The following SPATA17 variants were observed in gnomAD, a reference collection of about 807,000 sequenced individuals.
SPATA17 encodes spermatogenesis-associated protein 17.
SPATA17 carries 53 observed loss-of-function variants against 62.2 expected under a neutral mutation model. That is an observed-to-expected ratio of 0.85 (90% confidence interval 0.68 to 1.07). The LOEUF is 1.07. Ranked by LOEUF, SPATA17 falls within the 50% of genes least tolerant of loss-of-function variation. The pLI is 0.00. For missense variants in SPATA17, 466 were observed against 425.5 expected (o/e 1.10, Z -0.84); for synonymous variants, 146 against 146.8 (o/e 0.99, Z 0.04).
chr1:217,774,271 A>G, intron 6 of SPATA17, 63 bp from the exon 7 acceptor site: 1 of 1,418,910 alleles, frequency 7.0e-7, no homozygotes, highest in Non-Finnish European at 9.8e-7. Context: ...TCATGGTACA[A>G]CTCTTTCCTT....
intron 3 of SPATA17, among the ~76,000 whole-genome samples, chr1:217,668,408 T>A (rs1299186137): frequency 6.6e-6 from 1 of 152,186 alleles, no homozygotes; most frequent in East Asian, 1.9e-4. Context: ...CTTCACTATA[T>A]CAAGGGATTT....
intron 10 of SPATA17, among the ~76,000 whole-genome samples, chr1:217,863,826 A>T (rs1675946069): frequency 6.6e-6 from 1 of 152,190 alleles, no homozygotes; most frequent in South Asian, 2.1e-4. Context: ...GACAGCAAAG[A>T]TCACTGCAGT....
Position 217,792,229 on chromosome 1 carries a change from A to C in SPATA17, c.873-9489A>C, listed in dbSNP as rs2102982575. Among the ~76,000 whole-genome samples the C allele has an allele frequency of 1.3e-5, 2 of 152,330 alleles. 1 individual carries two copies. Among genetic ancestry groups the C allele is most frequent in the South Asian group, 4.1e-4 (2 of 4,830 alleles). ...GATATGGTCTGGATGGTGTGGTCAG[A>C]GGCACAGATGCATTTAGGATCACTG... On this transcript the variant is annotated intron_variant, in intron 8 of 10. Coordinates refer to ENST00000366933, the MANE Select transcript of SPATA17 (RefSeq NM_138796.4).
chr1:217,774,596 T>C (rs1673543839), intron 7 of SPATA17, 59 bp downstream of exon 7: 1 of 1,420,472 alleles, frequency 7.0e-7, no homozygotes, highest in African/African-American at 1.4e-5. Flanking sequence ...TTTTTTGCAC[T>C]TTTTATATAA....
chr1:217,781,479 A>G lies in SPATA17; in HGVS notation c.724-695A>G, dbSNP rs534455964. Among the ~76,000 whole-genome samples, 3 of 152,306 alleles carry G rather than the reference A, an allele frequency of 2.0e-5. No individual in the cohort carries two copies. In the South Asian group the frequency reaches 6.2e-4, roughly 32 times the overall value. On this transcript the variant is annotated intron_variant, in intron 7 of 10. Transcript: ENST00000366933. ...AGACAACCAGTGGATTTTAGTAACTAGTATAAATAACAACTAACTTGAAAG... is the reference window on the plus strand; with the variant it reads ...AGACAACCAGTGGATTTTAGTAACTGGTATAAATAACAACTAACTTGAAAG...
chr1:217,750,821 C>T lies in SPATA17; in HGVS notation c.519+8723C>T, dbSNP rs1672886734. 2.0e-5 allele frequency among the ~76,000 whole-genome samples: 3 copies of T among 152,326 alleles called. No homozygotes were observed. The South Asian group carries it at 6.2e-4, about 32-fold the overall frequency. ...TCTTTAGGATGATCTTTCCAGCCTT[C>T]TCTCTTAACCGATTAAAGAAATTAA... On this transcript the variant is annotated intron_variant, in intron 6 of 10. Transcript: ENST00000366933.
chr1:217,670,870 G>C (rs529354863), intron 4 of SPATA17, among the ~76,000 whole-genome samples: 2 of 150,128 alleles, frequency 1.3e-5, no homozygotes, highest in East Asian at 4.0e-4. Flanking sequence ...AGAATCCCTT[G>C]AGCCCAGAAG....
At chr1:217,770,967 T>C (rs1184522887) in intron 6 of SPATA17, among the ~76,000 whole-genome samples, 3 of 138,382 alleles carry the variant, frequency 2.2e-5, no homozygotes, top group Non-Finnish European at 4.6e-5. Context: ...ATCTATTATA[T>C]AACTCATTGC....
chr1:217,713,096 C>T (rs1045200632), intron 5 of SPATA17, among the ~76,000 whole-genome samples: 1 of 152,146 alleles, frequency 6.6e-6, no homozygotes, highest in Non-Finnish European at 1.5e-5. Context: ...CACGGTGATA[C>T]AATCTGCAGA....
chr1:217,661,585 G>C (rs1389553126), intron 3 of SPATA17, among the ~76,000 whole-genome samples: 1 of 152,014 alleles, frequency 6.6e-6, no homozygotes, highest in African/African-American at 2.4e-5. Flanking sequence ...TTTGCTTCCT[G>C]TATGACTGTT....
intron 9 of SPATA17, among the ~76,000 whole-genome samples, chr1:217,828,294 T>A (rs1675048557): frequency 6.6e-6 from 1 of 151,826 alleles, no homozygotes. Context: ...GTCAACTAAT[T>A]TTTGACAAGG....
intron 7 of SPATA17, 196 bp from the exon 8 acceptor site, chr1:217,781,978 A>G (rs886165662): frequency 6.6e-6 from 3 of 454,678 alleles, no homozygotes; most frequent in African/African-American, 4.1e-5. Flanking sequence ...AATGTAATCA[A>G]TTTTACTTGA....
chr1:217,812,503 A>T lies in SPATA17; in HGVS notation c.1005+10653A>T, dbSNP rs568737323. Among the ~76,000 whole-genome samples the T allele has an allele frequency of 5.3e-4, 81 of 152,214 alleles. No individual in the cohort carries two copies. The South Asian group carries it at 0.017, about 32-fold the overall frequency. On this transcript the variant is annotated intron_variant, in intron 9 of 10. Transcript: ENST00000366933. ...AATGTGCATACCATATAATTTACTC[A>T]TTTTTTTAATCTATTTGCAAACTGC...
intron 6 of SPATA17, among the ~76,000 whole-genome samples, chr1:217,759,384 G>A (rs574457762): frequency 1.3e-5 from 2 of 152,074 alleles, no homozygotes; most frequent in Admixed American, 6.5e-5. Flanking sequence ...ATTTGAACCC[G>A]GGAGGCGGAG....
At chr1:217,823,974 T>A (rs891113085) in intron 9 of SPATA17, among the ~76,000 whole-genome samples, 1 of 152,006 alleles carries the variant, frequency 6.6e-6, no homozygotes, top group Non-Finnish European at 1.5e-5. Context: ...ATGCCTTCAC[T>A]TTCAGTTTGT....
chr1:217,753,736 A>G (rs1427932896), intron 6 of SPATA17, among the ~76,000 whole-genome samples: 1 of 152,124 alleles, frequency 6.6e-6, no homozygotes, highest in Non-Finnish European at 1.5e-5. Context: ...ATAAAATTTC[A>G]AATACAGTCT....
chr1:217,635,238 A>G (rs999554926), intron 1 of SPATA17, among the ~76,000 whole-genome samples: 1 of 152,220 alleles, frequency 6.6e-6, no homozygotes, highest in Non-Finnish European at 1.5e-5. Flanking sequence ...TGCCAAGGTT[A>G]AGGATGCACC....
chr1:217,651,427 G>T (rs998519648), intron 3 of SPATA17, among the ~76,000 whole-genome samples: 1 of 152,154 alleles, frequency 6.6e-6, no homozygotes, highest in Non-Finnish European at 1.5e-5. Context: ...ACTTTTCACA[G>T]TATGCATTTA....
At chr1:217,646,122 G>A (rs895237409) in intron 1 of SPATA17, among the ~76,000 whole-genome samples, 1 of 152,006 alleles carries the variant, frequency 6.6e-6, no homozygotes, top group African/African-American at 2.4e-5. Flanking sequence ...GAAAACCAAG[G>A]CCTTTTGCCT....
Sources: gnomAD v4.1 joint callset for allele counts (sites outside exome capture counted in the v4.1 genomes callset) on GRCh38, gnomAD v4.1.1 for gene constraint, MANE v1.5 for transcripts, NCBI Gene and HGNC (gene_info 2026-07-23, HGNC 2026-07-21) for gene names.